Variants in HS6ST3 observed in about 807,000 individuals in gnomAD.
HS6ST3 encodes heparan sulfate 6-O-sulfotransferase 3.
In HS6ST3, 12 loss-of-function variants were observed where a neutral mutation model predicts 36.7. The observed-to-expected ratio is 0.33, with a 90% CI of 0.21 to 0.53. The LOEUF is 0.53. Among genes scored for constraint, HS6ST3 ranks in the 20% least tolerant of loss-of-function variants. HS6ST3 has a pLI of 0.95. For missense variants in HS6ST3, 584 were observed against 640.9 expected (o/e 0.91, Z 0.96); for synonymous variants, 240 against 257.5 (o/e 0.93, Z 0.65).
chr13:96,149,467 A>G (rs575592487), intron 1 of HS6ST3, among the ~76,000 whole-genome samples: 1 of 152,152 alleles, frequency 6.6e-6, no homozygotes, highest in South Asian at 2.1e-4. Context: ...TATTAAAGTG[A>G]CATGCATTCA....
chr13:96,609,581 C>A (rs575978303), intron 1 of HS6ST3, among the ~76,000 whole-genome samples: 21 of 152,208 alleles, frequency 1.4e-4, no homozygotes, highest in African/African-American at 5.1e-4. Context: ...TTGACGAGGT[C>A]TCTGTCAGTC....
chr13:96,281,039 G>C (rs1238990590), intron 1 of HS6ST3, among the ~76,000 whole-genome samples: 1 of 151,944 alleles, frequency 6.6e-6, no homozygotes, highest in South Asian at 2.1e-4. Flanking sequence ...ATGGAGTCTC[G>C]CTCTATCACT....
chr13:96,359,889 G>C (rs575787188), intron 1 of HS6ST3, among the ~76,000 whole-genome samples: 15 of 152,286 alleles, frequency 9.8e-5, no homozygotes, highest in African/African-American at 3.4e-4. Context: ...AGATTTGGCA[G>C]AGGAGAAACT....
At chr13:96,103,331 C>A (rs1023628592) in intron 1 of HS6ST3, among the ~76,000 whole-genome samples, 2 of 152,168 alleles carry the variant, frequency 1.3e-5, no homozygotes, top group Non-Finnish European at 2.9e-5. Flanking sequence ...GGATTTGAAT[C>A]TGGGCTTCCT....
At chr13:96,381,822 T>TA (rs1315798120) in intron 1 of HS6ST3, among the ~76,000 whole-genome samples, 1 of 152,124 alleles carries the variant, frequency 6.6e-6, no homozygotes, top group Non-Finnish European at 1.5e-5. Context: ...GCCCTAGAGT[T>TA]ACGGGGATGG....
intron 1 of HS6ST3, among the ~76,000 whole-genome samples, chr13:96,484,667 G>T (rs927588075): frequency 6.6e-6 from 1 of 152,176 alleles, no homozygotes; most frequent in African/African-American, 2.4e-5. Context: ...TGGTGTGGCC[G>T]TTGGCAGGAT....
chr13:96,243,063 A>G (rs992993516), intron 1 of HS6ST3, among the ~76,000 whole-genome samples: 1 of 152,246 alleles, frequency 6.6e-6, no homozygotes, highest in Non-Finnish European at 1.5e-5. Context: ...AACTCAGTAC[A>G]TCCAAAATAT....
At chr13:96,547,107 G>GT (rs2056200721) in intron 1 of HS6ST3, among the ~76,000 whole-genome samples, 1 of 152,214 alleles carries the variant, frequency 6.6e-6, no homozygotes, top group South Asian at 2.1e-4. Flanking sequence ...TCTTATGCGA[G>GT]TAAGTTGGTG....
At chr13:96,207,592 T>C (rs2139355445) in intron 1 of HS6ST3, among the ~76,000 whole-genome samples, 1 of 152,162 alleles carries the variant, frequency 6.6e-6, no homozygotes, top group East Asian at 1.9e-4. Context: ...TGCCCATCAA[T>C]AATAGACTGG....
At chr13:96,199,307 A>G (rs147230803) in intron 1 of HS6ST3, among the ~76,000 whole-genome samples, 243 of 152,310 alleles carry the variant, frequency 1.6e-3, no homozygotes, top group African/African-American at 4.8e-3. Context: ...GCAACATGCA[A>G]TTGTATTCTC....
At chr13:96,805,012 C>T (rs190842833) in intron 1 of HS6ST3, among the ~76,000 whole-genome samples, 22 of 152,148 alleles carry the variant, frequency 1.4e-4, no homozygotes, top group Admixed American at 1.1e-3. Context: ...CTCAGAAATA[C>T]GTAAATGAGA....
chr13:96,139,899 C>T (rs2054022385), intron 1 of HS6ST3, among the ~76,000 whole-genome samples: 1 of 152,098 alleles, frequency 6.6e-6, no homozygotes, highest in Non-Finnish European at 1.5e-5. Flanking sequence ...CAAGTATCCA[C>T]AGTCTACCCT....
intron 1 of HS6ST3, among the ~76,000 whole-genome samples, chr13:96,209,075 A>G (rs954612955): frequency 1.3e-5 from 2 of 152,248 alleles, no homozygotes; most frequent in African/African-American, 4.8e-5. Context: ...GAACTACCAT[A>G]GACTTGTCAA....
Position 96,683,138 on chromosome 13 carries a change from T to A in HS6ST3, c.708-149352T>A, listed in dbSNP as rs116289469. On this transcript the variant is annotated intron_variant, in intron 1 of 1. Transcript: ENST00000376705. The stretch of plus-strand genomic sequence containing the variant: ...CTTAATATTGACAGTATGTTAGAGA[T>A]GGGAGTGTATAATATATCGCTTATG... Among the ~76,000 whole-genome samples the A allele has an allele frequency of 4.8e-3, 730 of 152,220 alleles. 4 individuals are homozygous for A. Among genetic ancestry groups the A allele is most frequent in the African/African-American group, 0.017 (687 of 41,564 alleles).
chr13:96,476,545 T>C (rs2055865231), intron 1 of HS6ST3, among the ~76,000 whole-genome samples: 1 of 152,132 alleles, frequency 6.6e-6, no homozygotes, highest in African/African-American at 2.4e-5. Context: ...GTATTTTTAG[T>C]AGAGACGGGG....
At chr13:96,818,017 G>A (rs1878458552) in intron 1 of HS6ST3, among the ~76,000 whole-genome samples, 1 of 152,186 alleles carries the variant, frequency 6.6e-6, no homozygotes, top group Admixed American at 6.5e-5. Context: ...GCCATGAAAA[G>A]TGGGATAGTG....
At chr13:96,220,665 T>G (rs945656113) in intron 1 of HS6ST3, among the ~76,000 whole-genome samples, 3 of 152,218 alleles carry the variant, frequency 2.0e-5, no homozygotes, top group Non-Finnish European at 4.4e-5. Context: ...AATAAATCTG[T>G]GACATTTTAT....
intron 1 of HS6ST3, among the ~76,000 whole-genome samples, chr13:96,380,093 T>C (rs752756500): frequency 1.3e-5 from 2 of 152,184 alleles, no homozygotes; most frequent in Non-Finnish European, 2.9e-5. Context: ...TAGGTAGTCA[T>C]TGAACATTTT....
chr13:96,472,613 C>T (rs565376097), intron 1 of HS6ST3, among the ~76,000 whole-genome samples: 39 of 152,272 alleles, frequency 2.6e-4, no homozygotes, highest in Admixed American at 1.2e-3. Flanking sequence ...GTCATTGCTT[C>T]GGCCATCTGT....
Sources: gnomAD v4.1 joint callset for allele counts (sites outside exome capture counted in the v4.1 genomes callset) on GRCh38, gnomAD v4.1.1 for gene constraint, MANE v1.5 for transcripts, NCBI Gene and HGNC (gene_info 2026-07-23, HGNC 2026-07-21) for gene names.